Variants in MAP2K6 observed in about 807,000 individuals in gnomAD.
MAP2K6 encodes dual specificity mitogen-activated protein kinase kinase 6.
MAP2K6 carries 16 observed loss-of-function variants against 53.7 expected under a neutral mutation model. That is an observed-to-expected ratio of 0.30 (90% CI 0.20 to 0.45). The LOEUF is 0.45. Among genes scored for constraint, MAP2K6 ranks in the 20% least tolerant of loss-of-function variants. The probability of loss-of-function intolerance (pLI) is 1.00; values close to 1 mark genes in which losing one functional copy is unlikely to be tolerated. For synonymous variants in MAP2K6, 132 were observed against 143.1 expected, an observed-to-expected ratio of 0.92 and a Z score of 0.55; for missense variants, 204 against 411.9, an observed-to-expected ratio of 0.50 and a Z score of 4.37.
chr17:69,462,785 A>G (rs547804642), intron 1 of MAP2K6, among the ~76,000 whole-genome samples: 5 of 151,690 alleles, frequency 3.3e-5, no homozygotes, highest in Non-Finnish European at 7.4e-5. Context: ...CCTTTTCTCC[A>G]TATTTGCCTT....
At chr17:69,482,420 A>G (rs1327993150) in intron 1 of MAP2K6, among the ~76,000 whole-genome samples, 2 of 152,048 alleles carry the variant, frequency 1.3e-5, no homozygotes, top group Non-Finnish European at 2.9e-5. Flanking sequence ...CACCAGCAAC[A>G]GTGTGCCTTC....
At chr17:69,444,382 G>A (rs969740608) in intron 1 of MAP2K6, among the ~76,000 whole-genome samples, 4 of 152,144 alleles carry the variant, frequency 2.6e-5, no homozygotes, top group African/African-American at 9.7e-5. Flanking sequence ...TAAAAGAAAC[G>A]AATTCTTACC....
intron 10 of MAP2K6, among the ~76,000 whole-genome samples, chr17:69,534,067 A>G (rs916338844): frequency 6.6e-6 from 1 of 152,178 alleles, no homozygotes; most frequent in Non-Finnish European, 1.5e-5. Context: ...TGCCCAGTGC[A>G]TTACAGGATG....
chr17:69,480,966 G>T (rs1548444), intron 1 of MAP2K6, among the ~76,000 whole-genome samples: 75,533 of 151,858 alleles, frequency 0.5, 19,618 homozygotes, highest in African/African-American at 0.64. Flanking sequence ...GTTCATTTGT[G>T]CCCTTTTGAA....
At chr17:69,430,363 T>A (rs1258739010) in intron 1 of MAP2K6, among the ~76,000 whole-genome samples, 1 of 151,602 alleles carries the variant, frequency 6.6e-6, no homozygotes, top group East Asian at 1.9e-4. Context: ...AAGAATAAAA[T>A]AGAGAAGCCA....
intron 1 of MAP2K6, chr17:69,501,685 C>G (rs1199570849): frequency 6.6e-6 from 1 of 152,140 alleles, no homozygotes; most frequent in Non-Finnish European, 1.5e-5. Context: ...CCCAATCAGG[C>G]CGACGAGGCT....
intron 1 of MAP2K6, among the ~76,000 whole-genome samples, chr17:69,432,307 T>C (rs1906488232): frequency 1.3e-5 from 2 of 152,246 alleles, no homozygotes; most frequent in African/African-American, 4.8e-5. Context: ...ACTGGGTATA[T>C]ACCCAAAGGA....
chr17:69,541,899 C>A lies in MAP2K6; in HGVS notation c.*146C>A. Reference sequence around the variant, plus strand: ...GTTTTCTCTCCCAATTTTCTTTTTACTCCCCCTCTTAAGGGGGCCTTGGAA... The same window carrying A: ...GTTTTCTCTCCCAATTTTCTTTTTAATCCCCCTCTTAAGGGGGCCTTGGAA... On this transcript the variant is annotated 3_prime_UTR_variant, in exon 12 of 12. Transcript: ENST00000590474. The A allele has an allele frequency of 1.8e-6, 1 of 571,252 alleles. No individual in the cohort carries two copies. Among genetic ancestry groups the A allele is most frequent in the Non-Finnish European group, 3.2e-6 (1 of 313,876 alleles). 35.4% of individuals were successfully genotyped at this position (571,252 alleles called of 1,614,324 possible). A position where few individuals can be genotyped will look rare whatever the true frequency, so the allele number is the denominator to read the frequency against.
intron 1 of MAP2K6, among the ~76,000 whole-genome samples, chr17:69,462,265 A>G (rs913804014): frequency 6.6e-6 from 1 of 151,932 alleles, no homozygotes; most frequent in Non-Finnish European, 1.5e-5. Flanking sequence ...CAGGGGATGG[A>G]CTCTGGTCAG....
chr17:69,435,132 T>G (rs1372786185), intron 1 of MAP2K6: 2 of 152,172 alleles, frequency 1.3e-5, no homozygotes, highest in African/African-American at 4.8e-5. Flanking sequence ...TAACCTGAAT[T>G]TATATATAAA....
chr17:69,449,494 CTTTCTTT>C (rs1478977947), intron 1 of MAP2K6, among the ~76,000 whole-genome samples: 1 of 137,546 alleles, frequency 7.3e-6, no homozygotes, highest in Non-Finnish European at 1.5e-5. Flanking sequence ...GTTGTCCTTT[CTTTCTTT>C]TTTCTTTCTT....
chr17:69,445,334 T>C (rs1906937966), intron 1 of MAP2K6, among the ~76,000 whole-genome samples: 1 of 152,248 alleles, frequency 6.6e-6, no homozygotes, highest in Admixed American at 6.5e-5. Context: ...GATTACTTCC[T>C]GACCTCAAAA....
intron 1 of MAP2K6, among the ~76,000 whole-genome samples, chr17:69,491,730 G>GTTGTTATTATTATTA (rs1555606494): frequency 2.1e-5 from 3 of 143,384 alleles, no homozygotes; most frequent in African/African-American, 8.1e-5. Flanking sequence ...GCTGGCATCT[G>GTTGTTATTATTATTA]TTATTATTAT....
At position 69,546,020 on chromosome 17, in the gene MAP2K6, CA is replaced by C. The variant is rs34112033; in HGVS notation, c.*4285del. On this transcript the variant is annotated 3_prime_UTR_variant, in exon 12 of 12. Coordinates refer to ENST00000590474, the MANE Select transcript of MAP2K6 (RefSeq NM_002758.4). ...GGGCAACAAGAGCAAAACTTCATCT[CA>C]AAAAAAAAAAAAAAAAATGTACAAC... is the stretch of plus-strand genomic sequence containing the variant. The C allele has an allele frequency of 0.33, 42,397 of 129,850 alleles. 6,555 individuals carry two copies. Among genetic ancestry groups the C allele is most frequent in the East Asian group, 0.54 (2,481 of 4,608 alleles). The allele number at this position is 129,850 out of a possible 1,614,324, so 8.0% of individuals were successfully genotyped here.
chr17:69,534,102 C>A (rs934568782), intron 10 of MAP2K6, among the ~76,000 whole-genome samples: 6 of 152,134 alleles, frequency 3.9e-5, no homozygotes, highest in Admixed American at 3.9e-4. Context: ...TGGCCTCTAC[C>A]TATTAGATGC....
intron 1 of MAP2K6, 136 bp from the exon 2 acceptor site, chr17:69,505,644 T>C: frequency 1.4e-6 from 1 of 708,394 alleles, no homozygotes; most frequent in Non-Finnish European, 2.6e-6. Context: ...ACAGACTTCC[T>C]GGGTAGGAAG....
At chr17:69,457,154 T>C (rs2586544) in intron 1 of MAP2K6, among the ~76,000 whole-genome samples, 46,821 of 152,152 alleles carry the variant, frequency 0.31, 7,687 homozygotes, top group Non-Finnish European at 0.38. Flanking sequence ...CTCTCTACAA[T>C]GGTGGTTTCT....
intron 6 of MAP2K6, 126 bp from the exon 7 acceptor site, chr17:69,520,923 C>T (rs1910432930): frequency 1.5e-6 from 1 of 671,074 alleles, no homozygotes; most frequent in Non-Finnish European, 2.5e-6. Flanking sequence ...CTAGATAGGA[C>T]CACCACTATT....
intron 2 of MAP2K6, 64 bp downstream of exon 2, chr17:69,505,910 T>TA (rs1555608084): frequency 2.1e-5 from 30 of 1,435,360 alleles, no homozygotes; most frequent in Non-Finnish European, 2.7e-5. Flanking sequence ...CCTGGGGGTT[T>TA]ATTTTTGGAC....
Sources: gnomAD v4.1 joint callset for allele counts (sites outside exome capture counted in the v4.1 genomes callset) on GRCh38, gnomAD v4.1.1 for gene constraint, MANE v1.5 for transcripts, NCBI Gene and HGNC (gene_info 2026-07-23, HGNC 2026-07-21) for gene names.